Variants in TRPM3 observed in about 807,000 individuals in gnomAD.
TRPM3 encodes transient receptor potential cation channel subfamily M member 3.
TRPM3 carries 77 observed loss-of-function variants against 181.2 expected under a neutral mutation model. The ratio of observed to expected loss-of-function variants is 0.42; its 90% confidence interval spans 0.35 to 0.51. The LOEUF (loss-of-function observed/expected upper bound fraction) is 0.51, where lower values mean the gene tolerates loss of function less well. Ranked by LOEUF, TRPM3 falls within the 20% of genes least tolerant of loss-of-function variation. The pLI is 0.01. For missense variants in TRPM3, 1,759 were observed against 2,196.7 expected (o/e 0.80, Z 3.98); for synonymous variants, 745 against 796.4 (o/e 0.94, Z 1.09).
At chr9:71,135,418 ACT>A (rs1204527674) in intron 1 of TRPM3, among the ~76,000 whole-genome samples, 3 of 152,066 alleles carry the variant, frequency 2.0e-5, no homozygotes, top group Non-Finnish European at 4.4e-5. Context: ...AGCAATGTGA[ACT>A]CTGTCAGAGC....
At chr9:71,264,048 C>T (rs935278920) in intron 1 of TRPM3, among the ~76,000 whole-genome samples, 1 of 152,184 alleles carries the variant, frequency 6.6e-6, no homozygotes, top group African/African-American at 2.4e-5. Flanking sequence ...TCTTCCAAAC[C>T]TCTCAAAGTG....
intron 1 of TRPM3, among the ~76,000 whole-genome samples, chr9:71,116,520 T>G (rs1293870082): frequency 1.3e-5 from 2 of 152,218 alleles, no homozygotes; most frequent in Non-Finnish European, 2.9e-5. Flanking sequence ...TGGATCTTAC[T>G]TTGCTTCAGA....
At chr9:70,943,732 G>A (rs1234100366) in intron 1 of TRPM3, among the ~76,000 whole-genome samples, 2 of 152,092 alleles carry the variant, frequency 1.3e-5, no homozygotes, top group African/African-American at 4.8e-5. Context: ...TGAATAACCT[G>A]AATAACAATT....
At chr9:71,320,429 T>C (rs573575338) in intron 1 of TRPM3, among the ~76,000 whole-genome samples, 4 of 152,076 alleles carry the variant, frequency 2.6e-5, no homozygotes, top group Admixed American at 6.6e-5. Context: ...CATAGGTTAG[T>C]GTGGCAGTAA....
At chr9:71,128,501 C>G (rs2074185513) in intron 1 of TRPM3, among the ~76,000 whole-genome samples, 1 of 152,186 alleles carries the variant, frequency 6.6e-6, no homozygotes, top group Non-Finnish European at 1.5e-5. Context: ...ATGTGCATTT[C>G]TGATCACTTA....
intron 9 of TRPM3, among the ~76,000 whole-genome samples, chr9:70,654,787 A>T (rs534626333): frequency 6.7e-6 from 1 of 149,662 alleles, no homozygotes; most frequent in African/African-American, 2.5e-5. Flanking sequence ...GGTTCACGCC[A>T]TTCTCCTGCC....
chr9:70,548,010 T>C (rs931093841), intron 25 of TRPM3, among the ~76,000 whole-genome samples: 5 of 152,186 alleles, frequency 3.3e-5, no homozygotes, highest in Non-Finnish European at 2.9e-5. Context: ...CTTCCTTGCA[T>C]CTTAACACTC....
At chr9:70,928,780 C>T (rs2096746328) in intron 1 of TRPM3, among the ~76,000 whole-genome samples, 1 of 152,186 alleles carries the variant, frequency 6.6e-6, no homozygotes, top group South Asian at 2.1e-4. Flanking sequence ...ATGAAGCGGG[C>T]ATCATGCAAA....
chr9:71,381,519 G>C (rs2092800149), intron 1 of TRPM3, among the ~76,000 whole-genome samples: 1 of 152,160 alleles, frequency 6.6e-6, no homozygotes, highest in Non-Finnish European at 1.5e-5. Flanking sequence ...AAAGCTGAAA[G>C]ATATCTGCGG....
Position 71,033,613 on chromosome 9 carries a change from C to T in TRPM3, c.177+87565G>A, listed in dbSNP as rs116852969. On this transcript the variant is annotated intron_variant, in intron 1 of 25. Transcript: ENST00000677713. ...AAGTGAGTGATGATGATCACAGTGGCGATGGATTAAATAAAAGAATAAATG... is the reference window on the plus strand; with the variant it reads ...AAGTGAGTGATGATGATCACAGTGGTGATGGATTAAATAAAAGAATAAATG... 5.0e-3 allele frequency among the ~76,000 whole-genome samples: 756 copies of T among 152,150 alleles called. 19 individuals carry two copies. The East Asian group carries it at 0.078, about 16-fold the overall frequency.
At chr9:71,234,072 A>G (rs2081226961) in intron 1 of TRPM3, among the ~76,000 whole-genome samples, 1 of 152,184 alleles carries the variant, frequency 6.6e-6, no homozygotes, top group South Asian at 2.1e-4. Flanking sequence ...CTGGCTTAAG[A>G]TCGCTAATGA....
Position 70,822,747 on chromosome 9 carries a change from C to A in TRPM3, c.973+5100G>T, listed in dbSNP as rs186860446. Among the ~76,000 whole-genome samples, 6 of 135,326 alleles carry A rather than the reference C, an allele frequency of 4.4e-5. No individual in the cohort carries two copies. In the Admixed American group the frequency reaches 4.8e-4, roughly 11 times the overall value. 88.8% of individuals were successfully genotyped at this position (135,326 alleles called of 152,430 possible). A position where few individuals can be genotyped will look rare whatever the true frequency, so the allele number is the denominator to read the frequency against. On this transcript the variant is annotated intron_variant, in intron 6 of 25. Coordinates refer to ENST00000677713, the MANE Select transcript of TRPM3 (RefSeq NM_001366145.2). ...ATTTATTTTACCACAGTTTCAAAAACAAAGATTTGTCTTGTGTGTGTGTGT... is the reference window on the plus strand; with the variant it reads ...ATTTATTTTACCACAGTTTCAAAAAAAAAGATTTGTCTTGTGTGTGTGTGT...
intron 10 of TRPM3, among the ~76,000 whole-genome samples, chr9:70,639,694 GAAAAC>G (rs998833403): frequency 3.5e-4 from 53 of 152,054 alleles, no homozygotes; most frequent in African/African-American, 1.3e-3. Flanking sequence ...TCACTTAACT[GAAAAC>G]AAAACAAAAA....
intron 5 of TRPM3, among the ~76,000 whole-genome samples, chr9:70,830,075 G>C (rs1439319370): frequency 1.3e-5 from 2 of 152,164 alleles, no homozygotes; most frequent in African/African-American, 4.8e-5. Flanking sequence ...GAGAAGGAGG[G>C]GTAAGACCAA....
intron 9 of TRPM3, among the ~76,000 whole-genome samples, chr9:70,677,921 A>ATTTTT (rs35877978): frequency 6.9e-6 from 1 of 144,520 alleles, no homozygotes; most frequent in Non-Finnish European, 1.5e-5. Flanking sequence ...ATAATAAACA[A>ATTTTT]TTTTTTTTTT....
At chr9:71,446,710 C>T in exon 1 of TRPM3, 1 of 1,550,612 alleles carries the variant, frequency 6.4e-7, no homozygotes, top group South Asian at 1.2e-5. Context: ...TGGAACTTAA[C>T]CTTTTCCACG....
At chr9:70,600,911 C>CAT (rs1445216251) in intron 20 of TRPM3, among the ~76,000 whole-genome samples, 1 of 152,106 alleles carries the variant, frequency 6.6e-6, no homozygotes, top group East Asian at 1.9e-4. Context: ...AAAGTCCCAA[C>CAT]ATTAAAAAAG....
chr9:71,100,549 A>C (rs1205232958), intron 1 of TRPM3, among the ~76,000 whole-genome samples: 1 of 152,170 alleles, frequency 6.6e-6, no homozygotes, highest in Non-Finnish European at 1.5e-5. Context: ...GGAGGTATAT[A>C]CAAAGTAATA....
intron 1 of TRPM3, among the ~76,000 whole-genome samples, chr9:71,214,394 G>T (rs7850409): frequency 6.6e-6 from 1 of 151,840 alleles, no homozygotes; most frequent in Non-Finnish European, 1.5e-5. Context: ...TCCATTCCTG[G>T]GTATCTGCTT....
Sources: allele counts gnomAD v4.1 joint callset (sites outside exome capture counted in the v4.1 genomes callset), GRCh38; gene constraint gnomAD v4.1.1; transcripts MANE v1.5; gene names NCBI Gene and HGNC (gene_info 2026-07-23, HGNC 2026-07-21).